Variants in DTX2 observed in about 807,000 individuals in gnomAD.
The protein encoded by DTX2 is deltex E3 ubiquitin ligase 2, also known as probable E3 ubiquitin-protein ligase DTX2.
DTX2 carries 29 observed loss-of-function variants against 55.3 expected under a neutral mutation model. The ratio of observed to expected loss-of-function variants is 0.52; its 90% CI spans 0.39 to 0.71. The LOEUF is 0.71. DTX2 is among the 30% of genes least tolerant of loss of function. The pLI is 0.00. For missense variants in DTX2, 537 were observed against 822.5 expected, an observed-to-expected ratio of 0.65 and a Z score of 4.25; for synonymous variants, 276 against 340.4, an observed-to-expected ratio of 0.81 and a Z score of 2.08.
In DTX2 at chr7:76,505,724, C is replaced by CCCA; in HGVS notation, c.*124_*125insCAC. The CCCA allele has an allele frequency of 1.9e-6, 2 of 1,039,318 alleles. No homozygotes were observed. The highest frequency in any genetic ancestry group is 2.8e-6 in the Non-Finnish European group (2 of 722,850). 64.4% of individuals were successfully genotyped at this position (1,039,318 alleles called of 1,614,324 possible). A position where few individuals can be genotyped will look rare whatever the true frequency, so the allele number is the denominator to read the frequency against. ...GTTTGTTGAGGGTGTGGGGTGTGCC[C>CCCA]CACCTGAAGCCGGGGCTCCCCCTGC... On this transcript the variant is annotated 3_prime_UTR_variant, in exon 11 of 11. Transcript: ENST00000430490. This position sits in a 1 kb window ranked among gnomAD's most constrained non-coding sequence, Gnocchi z 4.4.
chr7:76,468,824 A>G (rs1474398659), intron 2 of DTX2, among the ~76,000 whole-genome samples: 1 of 131,962 alleles, frequency 7.6e-6, no homozygotes, highest in Non-Finnish European at 1.6e-5. Flanking sequence ...GTACAGTGGC[A>G]CAGTCTCGGC....
chr7:76,465,184 G>A (rs1584105837), intron 2 of DTX2, among the ~76,000 whole-genome samples: 1 of 145,740 alleles, frequency 6.9e-6, no homozygotes, highest in African/African-American at 2.8e-5. Context: ...TAAAAGGGTG[G>A]GTAAGGTGAG....
rs958151282 is a variant in DTX2 at position 76,494,353 on chromosome 7, A to C, written c.1009+2100A>C. On this transcript the variant is annotated intron_variant, in intron 5 of 10. Transcript: ENST00000430490. ...CACTGAAGTCACCGTGCGGCGCCGT[A>C]GGGAAATCACAGTGTACCGTGTGTG... is the stretch of plus-strand genomic sequence containing the variant. Among the ~76,000 whole-genome samples the C allele has an allele frequency of 2.2e-5, 2 of 90,734 alleles. 1 individual carries two copies. Among genetic ancestry groups the C allele is most frequent in the Non-Finnish European group, 4.8e-5 (2 of 41,974 alleles). The allele number at this position is 90,734 out of a possible 152,430, so 59.5% of individuals were successfully genotyped here. A position where few individuals can be genotyped will look rare whatever the true frequency, so the allele number is the denominator to read the frequency against.
At chr7:76,482,483 A>C (rs1289722118) in intron 3 of DTX2, 25 bp from the exon 4 acceptor site, 7 of 1,556,070 alleles carry the variant, frequency 4.5e-6, no homozygotes, top group Non-Finnish European at 6.1e-6. Flanking sequence ...TAGCAGACTA[A>C]CCTTTTGTTT....
At chr7:76,503,250 A>T (rs1286364172) in intron 8 of DTX2, 176 bp from the exon 9 acceptor site, 4 of 702,076 alleles carry the variant, frequency 5.7e-6, no homozygotes, top group Non-Finnish European at 9.4e-6. Flanking sequence ...TTGCTGGTGC[A>T]AAACAAAGCT....
At chr7:76,501,888 C>CTT (rs1259097270) in intron 7 of DTX2, 85 of 149,514 alleles carry the variant, frequency 5.7e-4, no homozygotes, top group South Asian at 1.6e-3. Flanking sequence ...GTGGAATGGA[C>CTT]TTTTTTTTTT....
At chr7:76,472,528 T>C (rs1808051002) in intron 2 of DTX2, among the ~76,000 whole-genome samples, 1 of 148,256 alleles carries the variant, frequency 6.7e-6, no homozygotes, top group African/African-American at 2.5e-5. Flanking sequence ...GATTTCACCA[T>C]GTTGGCCAGG....
intron 7 of DTX2, 152 bp from the exon 8 acceptor site, chr7:76,502,146 G>A (rs1389840313): frequency 9.6e-5 from 64 of 665,240 alleles, no homozygotes; most frequent in Non-Finnish European, 1.6e-4. Flanking sequence ...TAGAGTGCTG[G>A]GATTACAGGC....
At chr7:76,466,525 A>G (rs939447191) in intron 2 of DTX2, among the ~76,000 whole-genome samples, 7 of 150,056 alleles carry the variant, frequency 4.7e-5, no homozygotes, top group African/African-American at 1.5e-4. Context: ...TGAGGTAATC[A>G]TTATCTCCTT....
At chr7:76,480,399 C>T (rs73703176) in intron 2 of DTX2, 22 bp from the exon 3 acceptor site, 1 of 1,248,506 alleles carries the variant, frequency 8.0e-7, no homozygotes, top group Admixed American at 2.9e-5. Flanking sequence ...TTGGTAACTG[C>T]TCATGTCTGT....
Position 76,463,582 on chromosome 7 carries a change from T to G in DTX2, c.-217T>G, listed in dbSNP as rs1806844129. On this transcript the variant is annotated 5_prime_UTR_variant, in exon 2 of 11. Coordinates refer to ENST00000430490, the MANE Select transcript of DTX2 (RefSeq NM_001102594.3). ...TTGTGTCGCTGAGTCAGCAAGCCTT[T>G]CAGATTTGCCCGGTTTTTGTTGTTT... 1.3e-5 allele frequency: 2 copies of G among 150,156 alleles called. No homozygotes were observed. The highest frequency in any genetic ancestry group is 2.4e-5 in the African/African-American group (1 of 40,998). 9.3% of individuals were successfully genotyped at this position (150,156 alleles called of 1,614,324 possible). A position where few individuals can be genotyped will look rare whatever the true frequency, so the allele number is the denominator to read the frequency against.
chr7:76,475,691 T>TA (rs890596128), intron 2 of DTX2, among the ~76,000 whole-genome samples: 6 of 116,086 alleles, frequency 5.2e-5, no homozygotes, highest in South Asian at 3.4e-4. Context: ...TTCTCAAAAA[T>TA]AAAAAAAAAG....
chr7:76,477,843 T>A, intron 2 of DTX2, among the ~76,000 whole-genome samples: 1 of 141,260 alleles, frequency 7.1e-6, no homozygotes. Context: ...TAAATAAATG[T>A]CACCTTTTAT....
At chr7:76,468,817 C>T (rs1185354228) in intron 2 of DTX2, among the ~76,000 whole-genome samples, 1 of 132,430 alleles carries the variant, frequency 7.6e-6, no homozygotes, top group Non-Finnish European at 1.5e-5. Flanking sequence ...GGCTGGAGTA[C>T]AGTGGCACAG....
At position 76,488,914 on chromosome 7, in the gene DTX2, G is replaced by C. The variant is rs1810163858; in HGVS notation, c.909-3239G>C. ...CTCCGAGAAAAAAAAAAAAAGTGGGGGGAAGAGTTGAAACCAGCTGAGGAA... is the reference window on the plus strand; with the variant it reads ...CTCCGAGAAAAAAAAAAAAAGTGGGCGGAAGAGTTGAAACCAGCTGAGGAA... On this transcript the variant is annotated intron_variant, in intron 4 of 10. Transcript: ENST00000430490. Among the ~76,000 whole-genome samples, 2 of 102,732 alleles carry C rather than the reference G, an allele frequency of 1.9e-5. 1 individual carries two copies. Among genetic ancestry groups the C allele is most frequent in the Admixed American group, 1.9e-4 (2 of 10,542 alleles). The allele number at this position is 102,732 out of a possible 152,430, so 67.4% of individuals were successfully genotyped here. A position where few individuals can be genotyped will look rare whatever the true frequency, so the allele number is the denominator to read the frequency against.
At chr7:76,464,129 C>T (rs1292271251) in intron 2 of DTX2, among the ~76,000 whole-genome samples, 2 of 151,718 alleles carry the variant, frequency 1.3e-5, no homozygotes, top group South Asian at 4.2e-4. Flanking sequence ...TCACAAGGCT[C>T]TCCTACCCAC....
intron 2 of DTX2, chr7:76,472,135 A>G (rs1807997444): frequency 6.6e-6 from 1 of 151,118 alleles, no homozygotes; most frequent in South Asian, 2.1e-4. Context: ...TTGTTCTTCC[A>G]TTTTTGTGGA....
rs1276942349 is a variant in DTX2, at chr7:76,494,188, C to T, written c.1009+1935C>T. 4.8e-5 allele frequency among the ~76,000 whole-genome samples: 4 copies of T among 82,554 alleles called. 2 individuals carry two copies. 54.2% of individuals were successfully genotyped at this position (82,554 alleles called of 152,430 possible). A position where few individuals can be genotyped will look rare whatever the true frequency, so the allele number is the denominator to read the frequency against. On this transcript the variant is annotated intron_variant, in intron 5 of 10. Transcript: ENST00000430490. Reference sequence around the variant, plus strand: ...GGGTGCCCCTGACCCCTCGTGGGAGCGTGTGTGCCACAGAGACCGTGGGCA... The same window carrying T: ...GGGTGCCCCTGACCCCTCGTGGGAGTGTGTGTGCCACAGAGACCGTGGGCA...
intron 2 of DTX2, among the ~76,000 whole-genome samples, chr7:76,464,252 A>ATT (rs1441557804): frequency 1.4e-5 from 2 of 145,212 alleles, no homozygotes; most frequent in Non-Finnish European, 3.0e-5. Context: ...GTCACCTGGG[A>ATT]GAGGAGTCAG....
Sources: allele counts gnomAD v4.1 joint callset (sites outside exome capture counted in the v4.1 genomes callset), GRCh38; gene constraint gnomAD v4.1.1; non-coding constraint Gnocchi (gnomAD v3.1); transcripts MANE v1.5; gene names NCBI Gene and HGNC (gene_info 2026-07-23, HGNC 2026-07-21).